The following EPB41L2 variants were observed in gnomAD, a reference collection of about 807,000 sequenced individuals.
EPB41L2 encodes erythrocyte membrane protein band 4.1 like 2.
Under a neutral mutation model 113.0 loss-of-function variants are expected in EPB41L2, and 43 were observed. The observed-to-expected ratio is 0.38, with a 90% CI of 0.30 to 0.49. The LOEUF (loss-of-function observed/expected upper bound fraction) is 0.49, where lower values mean the gene tolerates loss of function less well. Among genes scored for constraint, EPB41L2 ranks in the 20% least tolerant of loss-of-function variants. EPB41L2 has a pLI of 0.95. For synonymous variants in EPB41L2, 442 were observed against 436.7 expected (o/e 1.01, Z -0.15); for missense variants, 1,147 against 1,223.4 (o/e 0.94, Z 0.93).
chr6:130,889,219 T>C (rs1792008064), intron 11 of EPB41L2, among the ~76,000 whole-genome samples: 1 of 151,856 alleles, frequency 6.6e-6, no homozygotes. Context: ...GAAAACTATT[T>C]CTTTGGGTAG....
intron 14 of EPB41L2, among the ~76,000 whole-genome samples, chr6:130,873,771 TC>T (rs144106119): frequency 0.16 from 24,916 of 152,092 alleles, 2,402 homozygotes; most frequent in African/African-American, 0.24. Flanking sequence ...CAGTCACTAT[TC>T]AGAAATCTTA....
chr6:131,062,813 C>A (rs963257902), intron 1 of EPB41L2, among the ~76,000 whole-genome samples: 2 of 151,914 alleles, frequency 1.3e-5, no homozygotes, highest in Non-Finnish European at 2.9e-5. Flanking sequence ...TTTCCTGGCT[C>A]CGCCGGGACG....
intron 1 of EPB41L2, among the ~76,000 whole-genome samples, chr6:130,959,067 T>C (rs1180609552): frequency 1.3e-5 from 2 of 152,050 alleles, no homozygotes; most frequent in African/African-American, 4.8e-5. Context: ...AAGAAATTAA[T>C]CTAATGGTAA....
chr6:131,023,699 A>G (rs1484038809), intron 1 of EPB41L2, among the ~76,000 whole-genome samples: 7 of 148,126 alleles, frequency 4.7e-5, no homozygotes, highest in Non-Finnish European at 7.4e-5. Context: ...ACAGAAGAAG[A>G]AAAAAAAATG....
intron 1 of EPB41L2, among the ~76,000 whole-genome samples, chr6:131,013,373 T>C (rs1384737060): frequency 6.6e-6 from 1 of 151,964 alleles, no homozygotes; most frequent in African/African-American, 2.4e-5. Flanking sequence ...AAAAGCAAAA[T>C]ATAAATGCTA....
rs937881660 is a variant in EPB41L2, at chr6:131,035,148, C to T, written c.-15+28007G>A. ...GTTGGCTAAAACAACCAATCTTACA[C>T]GGAAAGGTATTTGTTAATACTCTTG... On this transcript the variant is annotated intron_variant, in intron 1 of 19. Transcript: ENST00000337057. Among the ~76,000 whole-genome samples the T allele has an allele frequency of 7.2e-5, 11 of 152,148 alleles. 1 individual carries two copies. Among genetic ancestry groups the T allele is most frequent in the African/African-American group, 2.4e-4 (10 of 41,428 alleles).
At chr6:131,044,411 C>A (rs1245171654) in intron 1 of EPB41L2, among the ~76,000 whole-genome samples, 5 of 152,056 alleles carry the variant, frequency 3.3e-5, no homozygotes, top group Non-Finnish European at 7.4e-5. Context: ...ATACAAAATT[C>A]TTAAAACTTT....
intron 4 of EPB41L2, among the ~76,000 whole-genome samples, chr6:130,909,165 A>G (rs557607740): frequency 3.3e-5 from 5 of 152,218 alleles, no homozygotes; most frequent in Admixed American, 6.5e-5. Flanking sequence ...ACACAGTCTT[A>G]TTCTGTAGAA....
intron 1 of EPB41L2, among the ~76,000 whole-genome samples, chr6:131,008,385 T>C (rs1316374291): frequency 6.6e-6 from 1 of 152,250 alleles, no homozygotes; most frequent in East Asian, 1.9e-4. Flanking sequence ...TTTCAGAGGA[T>C]GTATGGAAAC....
At position 130,900,884 on chromosome 6, in the gene EPB41L2, C is replaced by G. The variant is rs370742926; in HGVS notation, c.1148+78G>C. 75 of 1,513,506 alleles carry G rather than the reference C, an allele frequency of 5.0e-5. No homozygotes were observed. The African/African-American group carries it at 9.3e-4, about 19-fold the overall frequency. 93.8% of individuals were successfully genotyped at this position (1,513,506 alleles called of 1,614,324 possible). ...ATTGGATAATCCTGTAAATCATGCT[C>G]AAATGTCTAGTAAGTGCTACAAGAG... On this transcript the variant is annotated intron_variant, in intron 7 of 19. Coordinates refer to ENST00000337057, the MANE Select transcript of EPB41L2 (RefSeq NM_001431.4).
chr6:130,993,688 C>T (rs1297495292), intron 1 of EPB41L2, among the ~76,000 whole-genome samples: 2 of 111,238 alleles, frequency 1.8e-5, no homozygotes, highest in Admixed American at 1.9e-4. Flanking sequence ...CGGCTGCTGG[C>T]GCAAGTGACC....
chr6:130,899,055 A>C (rs549931462), intron 8 of EPB41L2, among the ~76,000 whole-genome samples: 4 of 152,116 alleles, frequency 2.6e-5, no homozygotes, highest in Non-Finnish European at 4.4e-5. Context: ...TCCTTCATCA[A>C]ACATAAGCTT....
intron 1 of EPB41L2, among the ~76,000 whole-genome samples, chr6:130,972,631 C>T (rs1012414244): frequency 6.6e-6 from 1 of 151,762 alleles, no homozygotes; most frequent in Non-Finnish European, 1.5e-5. Flanking sequence ...ATTTCTACAG[C>T]TTTACCCAAC....
chr6:130,955,225 C>G lies in EPB41L2; in HGVS notation c.585G>C (p.Lys195Asn), dbSNP rs1399982060. ...CTTTCAGCTCATTGGTCTGCACTTC[C>G]TTGGTCTCCCTTTTTGCTGCTCCTC... ...LEGGAAKRETKEVQTNELKAE... is the reference protein window; with the variant it reads ...LEGGAAKRETNEVQTNELKAE... Residue 195 changes from lysine (K) to asparagine (N), a missense_variant, in exon 3 of 20, where the codon AAG (lysine) becomes AAC (asparagine). By Grantham distance (94) the Lys-to-Asn change is moderately conservative. Transcript: ENST00000337057. The G allele has an allele frequency of 6.2e-7, 1 of 1,613,948 alleles. No individual in the cohort carries two copies. The highest frequency in any genetic ancestry group is 1.3e-5 in the African/African-American group (1 of 74,896).
chr6:130,843,482 C>T (rs1163963461), intron 19 of EPB41L2, among the ~76,000 whole-genome samples: 1 of 152,182 alleles, frequency 6.6e-6, no homozygotes, highest in African/African-American at 2.4e-5. Flanking sequence ...GCATCTTTGT[C>T]AATACAAATT....
At chr6:130,890,143 A>T in intron 11 of EPB41L2, 151 bp downstream of exon 11, 1 of 652,824 alleles carries the variant, frequency 1.5e-6, no homozygotes, top group Non-Finnish European at 2.4e-6. Context: ...ATTCTCTTGT[A>T]GGTGTAAGTA....
rs187696171 is a variant in EPB41L2, at chr6:131,048,656, T to C, written c.-15+14499A>G. ...TCAGGGAGTCAAAGGGAAATACAGA[T>C]GAAACAAGACTGGTCATGTGACTGG... On this transcript the variant is annotated intron_variant, in intron 1 of 19. Coordinates refer to ENST00000337057, the MANE Select transcript of EPB41L2 (RefSeq NM_001431.4). Among the ~76,000 whole-genome samples the C allele has an allele frequency of 1.4e-4, 22 of 152,224 alleles. No homozygotes were observed. In the East Asian group the frequency reaches 3.1e-3, roughly 21 times the overall value.
At chr6:131,049,221 T>C (rs910409207) in intron 1 of EPB41L2, among the ~76,000 whole-genome samples, 2 of 152,220 alleles carry the variant, frequency 1.3e-5, no homozygotes, top group Non-Finnish European at 2.9e-5. Context: ...CATTCCCATA[T>C]GTGTATAATT....
intron 19 of EPB41L2, among the ~76,000 whole-genome samples, chr6:130,842,710 G>C (rs1361343963): frequency 6.6e-6 from 1 of 152,064 alleles, no homozygotes; most frequent in African/African-American, 2.4e-5. Context: ...GTAAAGAAAA[G>C]CTAAAATTAA....
Sources: gnomAD v4.1 joint callset for allele counts (sites outside exome capture counted in the v4.1 genomes callset) on GRCh38, gnomAD v4.1.1 for gene constraint, MANE v1.5 for transcripts, NCBI Gene and HGNC (gene_info 2026-07-23, HGNC 2026-07-21) for gene names.